KIF3A: variants seen among roughly 807,000 people sequenced by gnomAD.
KIF3A encodes kinesin family member 3A.
KIF3A carries 27 observed loss-of-function variants against 92.6 expected under a neutral mutation model. That is an observed-to-expected ratio of 0.29 (90% CI 0.21 to 0.40). KIF3A has a LOEUF of 0.40. Ranked by LOEUF, KIF3A falls within the 10% of genes least tolerant of loss-of-function variation. The pLI is 1.00. For missense variants in KIF3A, 581 were observed against 872.6 expected (o/e 0.67, Z 4.21); for synonymous variants, 250 against 275.4 (o/e 0.91, Z 0.92).
chr5:132,706,014 A>C (rs538281809), intron 11 of KIF3A, among the ~76,000 whole-genome samples: 1 of 152,128 alleles, frequency 6.6e-6, no homozygotes, highest in African/African-American at 2.4e-5. Context: ...TAAACCAGAC[A>C]TAAGTAGCAA....
Position 132,708,010 on chromosome 5 carries a change from G to A in KIF3A, c.1300+897C>T, listed in dbSNP as rs559221379. On this transcript the variant is annotated intron_variant, in intron 10 of 18. Coordinates refer to ENST00000403231, the MANE Select transcript of KIF3A (RefSeq NM_001300791.2). ...GAAAATCTCTTAAAATCAGCCGGGC[G>A]CAGTGGCTCACGCCTATAATCCCAG... Among the ~76,000 whole-genome samples the A allele has an allele frequency of 1.5e-3, 231 of 152,214 alleles. 3 individuals are homozygous for A. Among genetic ancestry groups the A allele is most frequent in the African/African-American group, 5.1e-3 (212 of 41,552 alleles).
At chr5:132,709,373 C>T (rs1561696850) in intron 9 of KIF3A, among the ~76,000 whole-genome samples, 2 of 152,090 alleles carry the variant, frequency 1.3e-5, no homozygotes, top group Admixed American at 1.3e-4. Flanking sequence ...AAGTCATACA[C>T]AATAAATATT....
chr5:132,724,806 A>ATT (rs1554107350), intron 4 of KIF3A, among the ~76,000 whole-genome samples: 1 of 22,700 alleles, frequency 4.4e-5, no homozygotes, highest in Non-Finnish European at 8.2e-5. Flanking sequence ...AAAAAAAAAA[A>ATT]ATATATATAT....
rs1446737708 is a variant in KIF3A, at chr5:132,703,458, C to T, written c.1466+5G>A. ...ATGAATTCATCTCAATTCAATAATA[C>T]TCACTGGGCTTTAAGAAGATCTTTT... On this transcript the variant is annotated splice_donor_5th_base_variant and intron_variant, in intron 12 of 18. Coordinates refer to ENST00000403231, the MANE Select transcript of KIF3A (RefSeq NM_001300791.2). 1 of 1,597,220 alleles carries T rather than the reference C, an allele frequency of 6.3e-7. No individual in the cohort carries two copies.
At chr5:132,690,603 T>A (rs1752638797), downstream of KIF3A, among the ~76,000 whole-genome samples, 1 of 152,136 alleles carries the variant, frequency 6.6e-6, no homozygotes, top group Admixed American at 6.6e-5. Flanking sequence ...TCACGATATA[T>A]CTCATAATAT....
At chr5:132,716,097 T>C in intron 7 of KIF3A, 148 bp downstream of exon 7, 1 of 825,692 alleles carries the variant, frequency 1.2e-6, no homozygotes, top group Non-Finnish European at 1.9e-6. Flanking sequence ...TATTATGGGC[T>C]AATACACGAG....
At chr5:132,703,856 C>T (rs1227201592) in intron 11 of KIF3A, among the ~76,000 whole-genome samples, 1 of 151,130 alleles carries the variant, frequency 6.6e-6, no homozygotes, top group Non-Finnish European at 1.5e-5. Context: ...TAACTAAGAA[C>T]AAAAGCGAAA....
intron 1 of KIF3A, 57 bp downstream of exon 1, chr5:132,737,357 C>A: frequency 6.4e-7 from 1 of 1,572,386 alleles, no homozygotes; most frequent in Non-Finnish European, 8.6e-7. Context: ...CGGCCGCGCC[C>A]CCGGGCCAGG....
chr5:132,732,340 T>G (rs1008820866), intron 2 of KIF3A, among the ~76,000 whole-genome samples: 1 of 152,212 alleles, frequency 6.6e-6, no homozygotes, highest in African/African-American at 2.4e-5. Flanking sequence ...ACTAAACATA[T>G]GTTCACACAA....
chr5:132,729,250 C>T (rs1754143582), intron 2 of KIF3A, among the ~76,000 whole-genome samples: 1 of 152,026 alleles, frequency 6.6e-6, no homozygotes, highest in Non-Finnish European at 1.5e-5. Flanking sequence ...TGTAACTAAA[C>T]ACCACCTGTT....
intron 2 of KIF3A, among the ~76,000 whole-genome samples, chr5:132,728,774 T>TAAATAAATAAATAAATAA (rs1561712265): frequency 6.8e-6 from 1 of 146,468 alleles, no homozygotes; most frequent in Non-Finnish European, 1.5e-5. Flanking sequence ...TAAATAAATA[T>TAAATAAATAAATAAATAA]AATAAACTAT....
intron 4 of KIF3A, among the ~76,000 whole-genome samples, chr5:132,724,193 T>C (rs924254893): frequency 4.0e-4 from 61 of 152,188 alleles, no homozygotes; most frequent in African/African-American, 5.3e-4. Context: ...TTTTACACCA[T>C]TGGTGGGAGT....
chr5:132,726,552 A>T, intron 2 of KIF3A, 54 bp from the exon 3 acceptor site: 1 of 1,465,826 alleles, frequency 6.8e-7, no homozygotes, highest in Non-Finnish European at 9.4e-7. Flanking sequence ...CTACAGAACA[A>T]TAGCTCTTAA....
chr5:132,733,816 G>C (rs936505020), intron 2 of KIF3A, among the ~76,000 whole-genome samples: 4 of 152,168 alleles, frequency 2.6e-5, no homozygotes, highest in Non-Finnish European at 5.9e-5. Context: ...CATGTTCATG[G>C]ACTGAAGACT....
chr5:132,703,402 T>C, intron 12 of KIF3A, 61 bp downstream of exon 12: 2 of 1,414,070 alleles, frequency 1.4e-6, no homozygotes, highest in East Asian at 2.3e-5. Context: ...TCCTATTTTA[T>C]ATATCCTAGG....
At chr5:132,722,362 C>T (rs1307033644) in intron 4 of KIF3A, among the ~76,000 whole-genome samples, 1 of 152,126 alleles carries the variant, frequency 6.6e-6, no homozygotes, top group East Asian at 1.9e-4. Flanking sequence ...ATATCTATGA[C>T]AAACACAGTT....
intron 5 of KIF3A, among the ~76,000 whole-genome samples, chr5:132,718,049 C>T (rs1162963845): frequency 6.6e-6 from 1 of 152,040 alleles, no homozygotes; most frequent in Non-Finnish European, 1.5e-5. Flanking sequence ...TCCTGACATT[C>T]CTTTTCCCCA....
downstream of KIF3A, among the ~76,000 whole-genome samples, chr5:132,691,960 T>C (rs1752676552): frequency 6.7e-6 from 1 of 149,528 alleles, no homozygotes. Context: ...TAAAATAAAA[T>C]TTAAAATAAA....
intron 4 of KIF3A, among the ~76,000 whole-genome samples, chr5:132,720,961 A>G (rs1753803311): frequency 6.6e-6 from 1 of 152,236 alleles, no homozygotes; most frequent in Admixed American, 6.5e-5. Context: ...CTACTAAGCT[A>G]GTGAAGGAGA....
Sources: allele counts gnomAD v4.1 joint callset (sites outside exome capture counted in the v4.1 genomes callset), GRCh38; gene constraint gnomAD v4.1.1; transcripts MANE v1.5; gene names NCBI Gene and HGNC (gene_info 2026-07-23, HGNC 2026-07-21).